Variants in SRGAP3 observed in about 807,000 individuals in gnomAD.
SRGAP3 encodes SLIT-ROBO Rho GTPase-activating protein 3.
A neutral mutation model predicts 121.1 loss-of-function variants in SRGAP3; 39 were observed. The observed-to-expected ratio is 0.32, with a 90% CI of 0.25 to 0.42. The LOEUF (loss-of-function observed/expected upper bound fraction) is 0.42, where lower values mean the gene tolerates loss of function less well. Ranked by LOEUF, SRGAP3 falls within the 10% of genes least tolerant of loss-of-function variation. The pLI is 1.00. For synonymous variants in SRGAP3, 601 were observed against 570.0 expected, an observed-to-expected ratio of 1.05 and a Z score of -0.77; for missense variants, 1,213 against 1,470.6, an observed-to-expected ratio of 0.82 and a Z score of 2.86.
At chr3:9,143,615 C>A (rs937142286) in intron 1 of SRGAP3, among the ~76,000 whole-genome samples, 2 of 152,156 alleles carry the variant, frequency 1.3e-5, no homozygotes, top group African/African-American at 4.8e-5. Flanking sequence ...GCCAGTGATG[C>A]TGATTCCTTT....
At chr3:9,311,469 T>C (rs1177851808) in intron 3 of SRGAP3, among the ~76,000 whole-genome samples, 1 of 152,206 alleles carries the variant, frequency 6.6e-6, no homozygotes, top group Non-Finnish European at 1.5e-5. Context: ...AGTAAATATT[T>C]TGAGCTTTAC....
At chr3:9,330,908 G>A (rs1007045549) in intron 1 of SRGAP3, among the ~76,000 whole-genome samples, 4 of 152,126 alleles carry the variant, frequency 2.6e-5, no homozygotes, top group Admixed American at 1.3e-4. Context: ...TATTACAGAC[G>A]CATACTACTA....
chr3:9,356,567 G>T (rs1164328010), intron 1 of SRGAP3, among the ~76,000 whole-genome samples: 1 of 151,746 alleles, frequency 6.6e-6, no homozygotes, highest in Non-Finnish European at 1.5e-5. Context: ...TAGAGATGGG[G>T]TTTCACCGTG....
At chr3:9,274,963 G>T (rs1348102770) in intron 3 of SRGAP3, among the ~76,000 whole-genome samples, 2 of 151,908 alleles carry the variant, frequency 1.3e-5, no homozygotes, top group Non-Finnish European at 2.9e-5. Context: ...GGCCATGGGT[G>T]GTTTTGGAAA....
intron 1 of SRGAP3, among the ~76,000 whole-genome samples, chr3:9,157,709 G>A (rs1430417735): frequency 6.6e-6 from 1 of 152,152 alleles, no homozygotes; most frequent in Non-Finnish European, 1.5e-5. Context: ...TATGCTGGGG[G>A]ATACCAGGAA....
intron 1 of SRGAP3, among the ~76,000 whole-genome samples, chr3:9,175,886 G>A (rs764050345): frequency 6.6e-6 from 1 of 152,182 alleles, no homozygotes; most frequent in South Asian, 2.1e-4. Flanking sequence ...GGCAGGGGTT[G>A]AGCACCAAAT....
At position 8,985,982 on chromosome 3, in the gene SRGAP3, G is replaced by C; in HGVS notation, c.2887-50C>G. The stretch of plus-strand genomic sequence containing the variant: ...AGCACAGTCTGGAGACCTGGAGTCA[G>C]GTCCTTCCTGTCTGCTAAGCAGCTT... On this transcript the variant is annotated intron_variant, in intron 21 of 21. Transcript: ENST00000383836. This position sits in a 1 kb window ranked among gnomAD's most constrained non-coding sequence, Gnocchi z 5.1. 6.3e-7 allele frequency: 1 copy of C among 1,599,118 alleles called. No homozygotes were observed. The highest frequency in any genetic ancestry group is 1.1e-5 in the South Asian group (1 of 90,956).
upstream of SRGAP3, among the ~76,000 whole-genome samples, chr3:9,252,479 T>C (rs927038646): frequency 3.3e-5 from 5 of 151,882 alleles, no homozygotes; most frequent in African/African-American, 7.3e-5. Context: ...CAAAATGGAC[T>C]AATACAGGGC....
chr3:9,037,576 C>T (rs190144491), intron 11 of SRGAP3: 10 of 192,634 alleles, frequency 5.2e-5, no homozygotes, highest in East Asian at 2.8e-4. Flanking sequence ...AGTCTGTGCA[C>T]GCCTATGCAC....
At chr3:9,256,619 G>A (rs947516203) in intron 3 of SRGAP3, 7 of 392,774 alleles carry the variant, frequency 1.8e-5, no homozygotes, top group Non-Finnish European at 2.7e-5. Context: ...TTGTTCCCTT[G>A]ATGAGACCTT....
At position 9,104,748 on chromosome 3, in the gene SRGAP3, T is replaced by C. The variant is rs1948354676; in HGVS notation, c.355A>G (p.Ile119Val). ...ESRDHATLND[I>V]FMNNVIVRLS... ...CGGACGATGACATTGTTCATGAAGA[T>C]GTCATTGAGGGTGGCATGGTCTCGG... The change falls in exon 3 of 22, where the codon ATC (isoleucine) becomes GTC (valine). Residue 119 changes from isoleucine to valine, a missense_variant. Physicochemically the swap from Ile to Val is conservative, Grantham distance 29. This residue lies in a region of SRGAP3 where 793 missense variants were observed against 1,032.9 expected (regional missense o/e 0.77). Transcript: ENST00000383836. The C allele has an allele frequency of 1.2e-6, 2 of 1,614,226 alleles. No homozygotes were observed. The highest frequency in any genetic ancestry group is 1.7e-6 in the Non-Finnish European group (2 of 1,180,046).
In SRGAP3 at chr3:9,314,863, C is replaced by T. The variant is rs370111260; in HGVS notation, n.442+11147G>A. Among the ~76,000 whole-genome samples the T allele has an allele frequency of 1.0e-3, 155 of 152,216 alleles. 2 individuals carry two copies. The South Asian group carries it at 0.024, about 24-fold the overall frequency. On this transcript the variant is annotated intron_variant and non_coding_transcript_variant, in intron 3 of 3. Transcript: ENST00000490889. The stretch of plus-strand genomic sequence containing the variant: ...AGGGAGGGGACCTGGCACTGGAGCC[C>T]GGGTTCTGATAACCAGACTTCAGCT...
At chr3:9,004,917 T>C (rs556931703) in intron 18 of SRGAP3, among the ~76,000 whole-genome samples, 3 of 152,158 alleles carry the variant, frequency 2.0e-5, no homozygotes, top group African/African-American at 7.2e-5. Flanking sequence ...AATAGATGAA[T>C]GGAACTCAGT....
intron 2 of SRGAP3, among the ~76,000 whole-genome samples, chr3:9,116,297 A>G (rs1948802442): frequency 6.6e-6 from 1 of 152,258 alleles, no homozygotes. Context: ...GCCACACAAA[A>G]TAAGTCTATT....
chr3:9,324,626 G>C (rs9856394), intron 3 of SRGAP3, among the ~76,000 whole-genome samples: 2,013 of 151,882 alleles, frequency 0.013, 40 homozygotes, highest in African/African-American at 0.045. Context: ...TGAGCTCAGT[G>C]CAAAATAATG....
chr3:9,260,796 G>A (rs546058548), intron 3 of SRGAP3, among the ~76,000 whole-genome samples: 1 of 152,364 alleles, frequency 6.6e-6, no homozygotes, highest in South Asian at 2.1e-4. Context: ...AGAAATCACA[G>A]AGAAATCTCT....
At chr3:9,080,795 A>G (rs1947209436) in intron 3 of SRGAP3, among the ~76,000 whole-genome samples, 1 of 152,112 alleles carries the variant, frequency 6.6e-6, no homozygotes, top group Admixed American at 6.6e-5. Flanking sequence ...ATGAAAATCT[A>G]ATGCAGGATG....
chr3:9,291,177 C>T (rs1385108086), intron 3 of SRGAP3, among the ~76,000 whole-genome samples: 1 of 152,152 alleles, frequency 6.6e-6, no homozygotes, highest in East Asian at 1.9e-4. Flanking sequence ...CAATTCATCT[C>T]GGCACTTTCT....
intron 1 of SRGAP3, among the ~76,000 whole-genome samples, chr3:9,149,435 T>C (rs1045708572): frequency 6.6e-6 from 1 of 152,184 alleles, no homozygotes; most frequent in Admixed American, 6.5e-5. Context: ...CTTGTATCCA[T>C]AATCGTTGCC....
Sources: gnomAD v4.1 joint callset for allele counts (sites outside exome capture counted in the v4.1 genomes callset) on GRCh38, gnomAD v4.1.1 for gene constraint, gnomAD v4.1.1 regional missense constraint, Gnocchi (gnomAD v3.1) non-coding constraint, MANE v1.5 for transcripts, NCBI Gene and HGNC (gene_info 2026-07-23, HGNC 2026-07-21) for gene names.